The following ACADM variants were observed in gnomAD, a reference collection of about 807,000 sequenced individuals.
ACADM encodes medium-chain specific acyl-CoA dehydrogenase, mitochondrial.
Under a neutral mutation model 58.9 loss-of-function variants are expected in ACADM, and 49 were observed. The observed-to-expected ratio is 0.83, with a 90% CI of 0.66 to 1.06. ACADM has a LOEUF of 1.06. Ranked by LOEUF, ACADM falls within the 50% of genes least tolerant of loss-of-function variation. ACADM has a pLI of 0.00. For synonymous variants in ACADM, 160 were observed against 157.7 expected, an observed-to-expected ratio of 1.01 and a Z score of -0.11; for missense variants, 496 against 507.0, an observed-to-expected ratio of 0.98 and a Z score of 0.21.
intron 1 of ACADM, among the ~76,000 whole-genome samples, chr1:75,725,683 G>T (rs1040537286): frequency 5.3e-5 from 8 of 152,186 alleles, no homozygotes; most frequent in Admixed American, 5.2e-4. Context: ...GCACAAAAGT[G>T]TTCAATTCTA....
rs1285954643 is a variant in ACADM at position 75,745,943 on chromosome 1, C to T, written c.708+29C>T. The T allele has an allele frequency of 4.1e-6, 6 of 1,468,146 alleles. No individual in the cohort carries two copies. In the East Asian group the frequency reaches 1.1e-4, roughly 28 times the overall value. 90.9% of individuals were successfully genotyped at this position (1,468,146 alleles called of 1,614,324 possible). A position where few individuals can be genotyped will look rare whatever the true frequency, so the allele number is the denominator to read the frequency against. ...AAGTATTTATTAATGATTAGGGCCC[C>T]AAATATTATTTTAATTATAAATTGC... On this transcript the variant is annotated intron_variant, in intron 8 of 11. Coordinates refer to ENST00000370841, the MANE Select transcript of ACADM (RefSeq NM_000016.6).
At chr1:75,733,845 A>G (rs753358589) in intron 5 of ACADM, among the ~76,000 whole-genome samples, 2 of 152,218 alleles carry the variant, frequency 1.3e-5, no homozygotes, top group African/African-American at 4.8e-5. Flanking sequence ...CCTTGTCTCT[A>G]GTACTCGGAG....
intron 8 of ACADM, among the ~76,000 whole-genome samples, chr1:75,747,688 G>A (rs970796241): frequency 5.3e-5 from 8 of 152,206 alleles, no homozygotes; most frequent in African/African-American, 1.9e-4. Flanking sequence ...TTGGAAGGCT[G>A]AAGTGGGAGG....
In ACADM at chr1:75,732,466, A is replaced by G. The variant is rs2100361897; in HGVS notation, c.119-178A>G. 7 of 627,960 alleles carry G rather than the reference A, an allele frequency of 1.1e-5. No homozygotes were observed. The South Asian group carries it at 1.4e-4, about 12-fold the overall frequency. The allele number at this position is 627,960 out of a possible 1,614,324, so 38.9% of individuals were successfully genotyped here. ...TATTTCCTTTAGCATTTGTATTGAC[A>G]TAGGTTTATTTATATTGTGTAGTGA... On this transcript the variant is annotated intron_variant, in intron 2 of 11. Coordinates refer to ENST00000370841, the MANE Select transcript of ACADM (RefSeq NM_000016.6).
intron 10 of ACADM, among the ~76,000 whole-genome samples, chr1:75,752,621 G>A (rs2100426192): frequency 6.6e-6 from 1 of 152,148 alleles, no homozygotes; most frequent in Admixed American, 6.6e-5. Context: ...TTCATTTCCA[G>A]AAGTTATATT....
intron 4 of ACADM, 31 bp downstream of exon 4, chr1:75,732,953 A>G: frequency 6.2e-7 from 1 of 1,612,936 alleles, no homozygotes; most frequent in Non-Finnish European, 8.5e-7. Flanking sequence ...TAATACTGGA[A>G]TGCATATGAG....
At chr1:75,747,185 T>C (rs1204756952) in intron 8 of ACADM, among the ~76,000 whole-genome samples, 1 of 150,098 alleles carries the variant, frequency 6.7e-6, no homozygotes, top group Admixed American at 6.8e-5. Flanking sequence ...TTAGAAAGTA[T>C]AAAGGACCTA....
chr1:75,727,363 T>C (rs1647073117), intron 1 of ACADM, among the ~76,000 whole-genome samples: 1 of 152,236 alleles, frequency 6.6e-6, no homozygotes, highest in African/African-American at 2.4e-5. Context: ...CTTTAGTATA[T>C]TCTTCAGCTG....
chr1:75,733,078 C>T, intron 4 of ACADM, 156 bp downstream of exon 4: 1 of 1,613,118 alleles, frequency 6.2e-7, no homozygotes, highest in Non-Finnish European at 8.5e-7. Context: ...CTTTTGGAAG[C>T]TTGCACTCTA....
intron 4 of ACADM, chr1:75,733,217 T>G: frequency 6.3e-7 from 1 of 1,576,082 alleles, no homozygotes; most frequent in South Asian, 1.2e-5. Context: ...TACATTTTAT[T>G]GAGTCTTTTT....
intron 8 of ACADM, among the ~76,000 whole-genome samples, chr1:75,747,212 T>TC (rs1282515425): frequency 1.3e-5 from 2 of 152,114 alleles, no homozygotes; most frequent in Non-Finnish European, 2.9e-5. Context: ...TATACTTTTT[T>TC]TAGTAGTAAA....
chr1:75,762,762 A>T lies in ACADM; in HGVS notation c.1265A>T (p.Ter422LeuextTer9), dbSNP rs200376609. The T allele has an allele frequency of 6.2e-5, 97 of 1,571,244 alleles. No homozygotes were observed. Among genetic ancestry groups the T allele is most frequent in the Middle Eastern group, 1.7e-4 (1 of 5,978 alleles). Residue 422 changes from the stop codon to leucine (L), a stop_lost, in exon 12 of 12, where the codon TAA becomes TTA. Transcript: ENST00000370841. ...AREHIDKYKN[*>L] The stretch of plus-strand genomic sequence containing the variant: ...GAACACATTGACAAGTACAAAAATT[A>T]AAAAAATTACTGTAGAAATATTGAA...
In ACADM at chr1:75,762,736, T is replaced by C. The variant is rs767921195; in HGVS notation, c.1239T>C (p.Arg413=). The C allele has an allele frequency of 6.2e-6, 10 of 1,606,864 alleles. No homozygotes were observed. Among genetic ancestry groups the C allele is most frequent in the Admixed American group, 1.7e-5 (1 of 59,936 alleles). The change falls in exon 12 of 12, where the codon CGT becomes CGC. Residue 413 remains arginine (R), a synonymous_variant. Transcript: ENST00000370841. ...TSQIQRLIVA[R]EHIDKYKN is the part of the protein sequence containing the mutation. ...AAATTCAAAGACTTATTGTAGCCCG[T>C]GAACACATTGACAAGTACAAAAATT...
chr1:75,744,685 A>G, intron 7 of ACADM: 1 of 812,262 alleles, frequency 1.2e-6, no homozygotes, highest in East Asian at 2.4e-5. Flanking sequence ...GACCCCAGGC[A>G]GGGAATGTCT....
intron 2 of ACADM, among the ~76,000 whole-genome samples, chr1:75,731,171 C>T (rs1342650769): frequency 6.7e-6 from 1 of 148,554 alleles, no homozygotes; most frequent in East Asian, 2.1e-4. Flanking sequence ...CCCAGCTGCT[C>T]AGGAGGCTGA....
Position 75,754,333 on chromosome 1 carries a change from G to A in ACADM, c.945+3787G>A, listed in dbSNP as rs1317880692. Among the ~76,000 whole-genome samples the A allele has an allele frequency of 4.6e-5, 7 of 150,638 alleles. No homozygotes were observed. In the South Asian group the frequency reaches 6.3e-4, roughly 14 times the overall value. ...AGTGATTCTCCTGCCTCAGCCTCCC[G>A]AGTAGCTGGGTTTACAGGTGCCCGC... On this transcript the variant is annotated intron_variant, in intron 10 of 11. Coordinates refer to ENST00000370841, the MANE Select transcript of ACADM (RefSeq NM_000016.6).
intron 10 of ACADM, among the ~76,000 whole-genome samples, chr1:75,753,205 G>A (rs1400951552): frequency 1.3e-5 from 2 of 152,104 alleles, no homozygotes; most frequent in East Asian, 3.8e-4. Flanking sequence ...GGAAAGCAAA[G>A]CTTTTACATG....
At chr1:75,738,226 A>G (rs1443670166) in intron 6 of ACADM, among the ~76,000 whole-genome samples, 3 of 136,206 alleles carry the variant, frequency 2.2e-5, no homozygotes, top group African/African-American at 8.3e-5. Context: ...AAGTATTGTT[A>G]TTATTTTTTT....
In ACADM at chr1:75,751,212, C is replaced by T. The variant is rs191020324; in HGVS notation, c.945+666C>T. Among the ~76,000 whole-genome samples the T allele has an allele frequency of 5.4e-4, 82 of 151,092 alleles. No individual in the cohort carries two copies. The East Asian group carries it at 0.011, about 20-fold the overall frequency. Reference sequence around the variant, plus strand: ...AAAATTAGCCGAGCATGGTGGTGGGCGCCTGTAGTCCCAGCTACTCGGGAG... The same window carrying T: ...AAAATTAGCCGAGCATGGTGGTGGGTGCCTGTAGTCCCAGCTACTCGGGAG... On this transcript the variant is annotated intron_variant, in intron 10 of 11. Transcript: ENST00000370841.
Sources: gnomAD v4.1 joint callset for allele counts (sites outside exome capture counted in the v4.1 genomes callset) on GRCh38, gnomAD v4.1.1 for gene constraint, MANE v1.5 for transcripts, NCBI Gene and HGNC (gene_info 2026-07-23, HGNC 2026-07-21) for gene names.